The following CAMSAP1 variants were observed in gnomAD, a reference collection of about 807,000 sequenced individuals.
CAMSAP1 encodes the protein calmodulin regulated spectrin associated protein 1.
A neutral mutation model predicts 143.5 loss-of-function variants in CAMSAP1; 58 were observed. That is an observed-to-expected ratio of 0.40 (90% CI 0.33 to 0.50). The LOEUF (loss-of-function observed/expected upper bound fraction) is 0.50. Among genes scored for constraint, CAMSAP1 ranks in the 20% least tolerant of loss-of-function variants. CAMSAP1 has a pLI of 0.45. For synonymous variants in CAMSAP1, 945 were observed against 859.3 expected, an observed-to-expected ratio of 1.10 and a Z score of -1.74; for missense variants, 1,969 against 2,115.7, an observed-to-expected ratio of 0.93 and a Z score of 1.36.
chr9:135,824,022 C>A lies in CAMSAP1; in HGVS notation c.1328G>T (p.Arg443Leu). Residue 443 changes from arginine to leucine, a missense_variant, in exon 10 of 17, where the codon CGA (arginine) becomes CTA (leucine). This residue lies in a region of CAMSAP1 where 1,390 missense variants were observed against 1,420.8 expected (regional missense o/e 0.98). Transcript: ENST00000389532. The surrounding 1 kb of genome is among the most constrained non-coding windows in gnomAD (Gnocchi z 4.1). ...ATCAACTCGGGTCAAAGAATTCGAT[C>A]GATGTCGCTGATCTGCAGTACAGAG... ...QGEDIPDQRH[R>L]SNSLTRVDGQ... 1 of 1,583,230 alleles carries A rather than the reference C, an allele frequency of 6.3e-7. No homozygotes were observed. Among genetic ancestry groups the A allele is most frequent in the African/African-American group, 1.3e-5 (1 of 74,390 alleles).
At chr9:135,825,918 G>A (rs56344430) in intron 8 of CAMSAP1, among the ~76,000 whole-genome samples, 34,043 of 152,052 alleles carry the variant, frequency 0.22, 4,000 homozygotes, top group East Asian at 0.35. Context: ...AAAGGGTTGC[G>A]GAGAGAGGGG....
chr9:135,819,103 G>A lies in CAMSAP1; in HGVS notation c.3866C>T (p.Ala1289Val). Residue 1289 changes from alanine to valine, a missense_variant, in exon 12 of 17, where the codon GCC becomes GTC. Ala to Val is a moderately conservative substitution (Grantham distance 64). Around this residue, in one of 4 missense-constraint regions of CAMSAP1, gnomAD observed 1,390 missense variants for 1,420.8 expected, o/e 0.98. Coordinates refer to ENST00000389532, the MANE Select transcript of CAMSAP1 (RefSeq NM_015447.4). ...AEDELAKKRA[A>V]FLLKQQRKAE... The stretch of plus-strand genomic sequence containing the variant: ...CTTGCGCTGCTGCTTCAGGAGGAAG[G>A]CCGCCCGCTTCTTGGCGAGCTCATC... The A allele has an allele frequency of 8.7e-6, 14 of 1,602,066 alleles. No individual in the cohort carries two copies. Among genetic ancestry groups the A allele is most frequent in the Non-Finnish European group, 1.2e-5 (14 of 1,175,748 alleles).
chr9:135,849,263 G>A (rs1446276262), intron 7 of CAMSAP1, among the ~76,000 whole-genome samples: 1 of 152,196 alleles, frequency 6.6e-6, no homozygotes, highest in African/African-American at 2.4e-5. Flanking sequence ...AGTATCTCGT[G>A]TAATTTACTG....
chr9:135,906,195 G>A (rs1838772429), intron 1 of CAMSAP1, among the ~76,000 whole-genome samples: 1 of 152,124 alleles, frequency 6.6e-6, no homozygotes, highest in South Asian at 2.1e-4. Flanking sequence ...TCTCTGGAAG[G>A]GCTGTCTCCT....
intron 7 of CAMSAP1, chr9:135,836,040 A>T (rs1191545475): frequency 1.1e-6 from 1 of 893,692 alleles, no homozygotes; most frequent in Non-Finnish European, 1.3e-6. Context: ...ACAGACTCAA[A>T]AAACAGCTTT....
intron 16 of CAMSAP1, among the ~76,000 whole-genome samples, chr9:135,814,085 G>A: frequency 6.6e-6 from 1 of 152,176 alleles, no homozygotes; most frequent in Middle Eastern, 3.2e-3. Flanking sequence ...GATCCTGGGG[G>A]CCACTGATAC....
chr9:135,851,631 CACAA>C (rs747373102), intron 5 of CAMSAP1, among the ~76,000 whole-genome samples: 10 of 152,218 alleles, frequency 6.6e-5, no homozygotes, highest in Non-Finnish European at 1.0e-4. Flanking sequence ...CCACAAGTAA[CACAA>C]ACAGTGTTGT....
chr9:135,841,240 TA>T (rs1836336697), intron 7 of CAMSAP1, among the ~76,000 whole-genome samples: 2 of 152,106 alleles, frequency 1.3e-5, no homozygotes, highest in Admixed American at 1.3e-4. Flanking sequence ...CCAGGAAGTT[TA>T]AACTGGGTGG....
At chr9:135,851,441 T>C (rs1382772793) in intron 5 of CAMSAP1, among the ~76,000 whole-genome samples, 1 of 152,222 alleles carries the variant, frequency 6.6e-6, no homozygotes. Context: ...CTCACACTGC[T>C]AAGGATGTTT....
rs1388662372 is a variant in CAMSAP1 at position 135,818,398 on chromosome 9, G to A, written c.4168+10C>T. The A allele has an allele frequency of 3.8e-6, 6 of 1,564,888 alleles. No homozygotes were observed. The highest frequency in any genetic ancestry group is 2.3e-5 in the East Asian group (1 of 42,876). Reference sequence around the variant, plus strand: ...GAAGCGCTGCCCGCGTGAGGGCCGGGGCTGCTTACGGGTGGAGGAGCACTT... The same window carrying A: ...GAAGCGCTGCCCGCGTGAGGGCCGGAGCTGCTTACGGGTGGAGGAGCACTT... On this transcript the variant is annotated intron_variant, in intron 13 of 16. Transcript: ENST00000389532. The surrounding 1 kb of genome is among the most constrained non-coding windows in gnomAD (Gnocchi z 7.7).
chr9:135,884,018 C>CAA (rs371465844), intron 1 of CAMSAP1, among the ~76,000 whole-genome samples: 10 of 152,336 alleles, frequency 6.6e-5, no homozygotes, highest in African/African-American at 2.4e-4. Context: ...CACTGTCTCA[C>CAA]AAGACATCAA....
In CAMSAP1 at chr9:135,811,726, C is replaced by T. The variant is rs1835060428; in HGVS notation, c.4507-115G>A. 3.2e-6 allele frequency: 3 copies of T among 935,476 alleles called. No individual in the cohort carries two copies. The highest frequency in any genetic ancestry group is 4.8e-6 in the Non-Finnish European group (3 of 621,258). 57.9% of individuals were successfully genotyped at this position (935,476 alleles called of 1,614,324 possible). ...CCGCTCCGTGGGAAGCTCTCCCACC[C>T]GTCAGCTACGGCCTGCCTGTTGTAA... On this transcript the variant is annotated intron_variant, in intron 16 of 16. Transcript: ENST00000389532. The surrounding 1 kb of genome is among the most constrained non-coding windows in gnomAD (Gnocchi z 4.9).
rs765811813 is a variant in CAMSAP1, at chr9:135,821,275, G to C, written c.3386C>G (p.Thr1129Arg). 1.9e-6 allele frequency: 3 copies of C among 1,610,382 alleles called. No homozygotes were observed. Among genetic ancestry groups the C allele is most frequent in the Middle Eastern group, 1.7e-4 (1 of 6,056 alleles). Reference sequence around the variant, plus strand: ...AGGGAAGGGTCTCAAGTGCGGGAGCGTCTCTACACTGGGCGTTGGGGTTTT... The same window carrying C: ...AGGGAAGGGTCTCAAGTGCGGGAGCCTCTCTACACTGGGCGTTGGGGTTTT... ...RSKTPTPSVE[T>R]LPHLRPFPAS... The change falls in exon 11 of 17, where the codon ACG (threonine) becomes AGG (arginine). Residue 1129 changes from threonine (T) to arginine (R), a missense_variant. Physicochemically the swap from Thr to Arg is moderately conservative, Grantham distance 71. Coordinates refer to ENST00000389532, the MANE Select transcript of CAMSAP1 (RefSeq NM_015447.4). This position sits in a 1 kb window ranked among gnomAD's most constrained non-coding sequence, Gnocchi z 4.6.
chr9:135,889,252 G>C (rs1838220837), intron 1 of CAMSAP1, among the ~76,000 whole-genome samples: 1 of 152,128 alleles, frequency 6.6e-6, no homozygotes, highest in East Asian at 1.9e-4. Flanking sequence ...TAACTGGGTG[G>C]ACTACCTGCT....
At chr9:135,878,009 A>G (rs1837810261) in intron 3 of CAMSAP1, among the ~76,000 whole-genome samples, 1 of 152,222 alleles carries the variant, frequency 6.6e-6, no homozygotes, top group African/African-American at 2.4e-5. Context: ...GGAAGAGAGA[A>G]GACAGCTGGG....
chr9:135,867,441 C>T (rs76859066), intron 3 of CAMSAP1, among the ~76,000 whole-genome samples: 3 of 150,986 alleles, frequency 2.0e-5, no homozygotes, highest in Admixed American at 6.6e-5. Flanking sequence ...GTCCAAAAAC[C>T]GCACGCCAGC....
rs755295672 is a variant in CAMSAP1, at chr9:135,821,908, A to T, written c.2753T>A (p.Val918Glu). 6.2e-7 allele frequency: 1 copy of T among 1,613,700 alleles called. No individual in the cohort carries two copies. Among genetic ancestry groups the T allele is most frequent in the East Asian group, 2.2e-5 (1 of 44,872 alleles). The stretch of plus-strand genomic sequence containing the variant: ...AGCCTCGGCCTTGCCCTTCTTCACC[A>T]CATGCAGGAATGCAGCCTTGCCGAG... ...LKLGKAAFLH[V>E]VKKGKAEAAP... is the part of the protein sequence containing the mutation. Residue 918 changes from valine (V) to glutamate (E), a missense_variant, in exon 11 of 17, where the codon GTG (valine) becomes GAG (glutamate). Val to Glu is a moderately radical substitution (Grantham distance 121). Transcript: ENST00000389532. The surrounding 1 kb of genome is among the most constrained non-coding windows in gnomAD (Gnocchi z 4.6).
At chr9:135,905,400 TC>T (rs1173931971) in intron 1 of CAMSAP1, among the ~76,000 whole-genome samples, 1 of 152,238 alleles carries the variant, frequency 6.6e-6, no homozygotes, top group Non-Finnish European at 1.5e-5. Context: ...TTGTCTAACA[TC>T]CGCTGCCTGA....
chr9:135,819,269 GCTTTTCTCTAACCGTTACAGACT>G, intron 11 of CAMSAP1, 123 bp from the exon 12 acceptor site: 1 of 1,293,746 alleles, frequency 7.7e-7, no homozygotes, highest in African/African-American at 1.5e-5. Context: ...AGACTTCTAT[GCTTTTCTCTAACCGTTACAGACT>G]CTGAAATACG....
Sources: allele counts gnomAD v4.1 joint callset (sites outside exome capture counted in the v4.1 genomes callset), GRCh38; gene constraint gnomAD v4.1.1; regional missense constraint gnomAD v4.1.1; non-coding constraint Gnocchi (gnomAD v3.1); transcripts MANE v1.5; gene names NCBI Gene and HGNC (gene_info 2026-07-23, HGNC 2026-07-21).